The following TJP2 variants were observed in gnomAD, a reference collection of about 807,000 sequenced individuals.
TJP2 encodes the protein Friedreich ataxia region gene X104 (tight junction protein ZO-2).
In TJP2, 91 loss-of-function variants were observed where a neutral mutation model predicts 133.1. The observed-to-expected ratio is 0.68, with a 90% CI of 0.58 to 0.81. The LOEUF is 0.81. Ranked by LOEUF, TJP2 falls within the 40% of genes least tolerant of loss-of-function variation. The pLI is 0.00. For missense variants in TJP2, 1,541 were observed against 1,565.6 expected (o/e 0.98, Z 0.26); for synonymous variants, 592 against 583.4 (o/e 1.01, Z -0.21).
In TJP2 at chr9:69,174,424, T is replaced by G; in HGVS notation, c.52T>G (p.Trp18Gly). 2 of 1,551,460 alleles carry G rather than the reference T, an allele frequency of 1.3e-6. No homozygotes were observed. Among genetic ancestry groups the G allele is most frequent in the South Asian group, 2.4e-5 (2 of 84,074 alleles). The part of the protein sequence containing the change: ...GFPPRRELSG[W>G]LRAPGMEELI... Reference sequence around the variant, plus strand: ...TCCACCCCGGCGGGAGCTGTCAGGTTGGCTCCGCGTAAGTGCCTCCTTGTG... The same window carrying G: ...TCCACCCCGGCGGGAGCTGTCAGGTGGGCTCCGCGTAAGTGCCTCCTTGTG... Residue 18 changes from tryptophan (W) to glycine (G), a missense_variant, in exon 1 of 23, where the codon TGG (tryptophan) becomes GGG (glycine). Trp to Gly is a radical substitution (Grantham distance 184, BLOSUM62 -2). Coordinates refer to ENST00000377245, the MANE Select transcript of TJP2 (RefSeq NM_004817.4).
intron 1 of TJP2, among the ~76,000 whole-genome samples, chr9:69,188,507 A>G (rs1225424765): frequency 1.3e-5 from 2 of 152,204 alleles, no homozygotes; most frequent in African/African-American, 4.8e-5. Flanking sequence ...AAATAGGAGA[A>G]GCTCAAGGCC....
At chr9:69,203,279 A>G (rs1445231013) in intron 1 of TJP2, among the ~76,000 whole-genome samples, 2 of 151,862 alleles carry the variant, frequency 1.3e-5, no homozygotes, top group African/African-American at 2.4e-5. Flanking sequence ...TTAGATTCCA[A>G]GGTCCTCCTT....
chr9:69,241,891 C>T (rs1412596011), intron 17 of TJP2, among the ~76,000 whole-genome samples: 1 of 152,172 alleles, frequency 6.6e-6, no homozygotes, highest in Non-Finnish European at 1.5e-5. Context: ...CAAAAGGGGT[C>T]ACGTAATGCA....
At chr9:69,226,275 C>A in intron 7 of TJP2, 100 bp downstream of exon 7, 1 of 1,379,042 alleles carries the variant, frequency 7.3e-7, no homozygotes, top group Non-Finnish European at 1.0e-6. Flanking sequence ...AGTTAAATTT[C>A]TAAGGAAAGA....
rs567453591 is a variant in TJP2, at chr9:69,230,056, C to G, written c.1521-26C>G. 3.1e-6 allele frequency: 5 copies of G among 1,613,890 alleles called. No homozygotes were observed. In the Admixed American group the frequency reaches 5.0e-5, roughly 16 times the overall value. ...CTTTTAAAAAATATCTCCCATCTTT[C>G]CTTTCTGAAACGGAACCTATTGCAG... On this transcript the variant is annotated intron_variant, in intron 10 of 22. Coordinates refer to ENST00000377245, the MANE Select transcript of TJP2 (RefSeq NM_004817.4).
At chr9:69,137,291 CTTTCTTTCTTTTCT>C (rs1822806287) in intron 1 of TJP2, among the ~76,000 whole-genome samples, 6 of 75,452 alleles carry the variant, frequency 8.0e-5, no homozygotes, top group Admixed American at 1.4e-4. Flanking sequence ...TTCTTTCTTT[CTTTCTTTCTTTTCT>C]TTTCTTTTCT....
chr9:69,140,038 G>T (rs769661055), intron 1 of TJP2, among the ~76,000 whole-genome samples: 22 of 152,314 alleles, frequency 1.4e-4, no homozygotes, highest in Non-Finnish European at 2.5e-4. Context: ...CCTCAGAGCT[G>T]CCCTGGCCTC....
chr9:69,121,954 A>G (rs1159018100), intron 1 of TJP2: 4 of 152,386 alleles, frequency 2.6e-5, no homozygotes, highest in Non-Finnish European at 5.9e-5. Context: ...GACATCCCCT[A>G]GGTTTCTCTG....
chr9:69,172,531 G>C (rs1417469851), upstream of TJP2, among the ~76,000 whole-genome samples: 1 of 152,114 alleles, frequency 6.6e-6, no homozygotes, highest in Non-Finnish European at 1.5e-5. Flanking sequence ...GTGGCAAGTG[G>C]TCATCTTATT....
intron 1 of TJP2, among the ~76,000 whole-genome samples, chr9:69,137,720 T>G (rs979390833): frequency 1.3e-5 from 2 of 152,118 alleles, no homozygotes; most frequent in Non-Finnish European, 2.9e-5. Flanking sequence ...CTTTCCAGCT[T>G]TTCTTCAAGG....
At chr9:69,199,340 G>C (rs1206104938) in intron 1 of TJP2, among the ~76,000 whole-genome samples, 1 of 152,126 alleles carries the variant, frequency 6.6e-6, no homozygotes, top group Non-Finnish European at 1.5e-5. Flanking sequence ...ACCAGCCTGG[G>C]CAACATAGCG....
At chr9:69,177,152 T>C (rs1825155948) in intron 1 of TJP2, among the ~76,000 whole-genome samples, 1 of 152,214 alleles carries the variant, frequency 6.6e-6, no homozygotes, top group African/African-American at 2.4e-5. Context: ...CATGCCTCAT[T>C]GATTTGACTC....
intron 1 of TJP2, among the ~76,000 whole-genome samples, chr9:69,146,910 T>C (rs1446023694): frequency 6.6e-6 from 1 of 152,242 alleles, no homozygotes; most frequent in African/African-American, 2.4e-5. Context: ...TCTTCCCATC[T>C]GTAAAAGGGT....
chr9:69,162,109 TAATA>T (rs1190354070), intron 2 of TJP2, among the ~76,000 whole-genome samples: 2 of 148,108 alleles, frequency 1.4e-5, no homozygotes, highest in Admixed American at 6.8e-5. Flanking sequence ...TTGTATTATA[TAATA>T]AATATAATTT....
intron 1 of TJP2, among the ~76,000 whole-genome samples, chr9:69,208,712 T>G (rs931982767): frequency 1.3e-4 from 20 of 152,162 alleles, no homozygotes; most frequent in African/African-American, 4.8e-4. Flanking sequence ...ATATTCAACA[T>G]TTTTTTGGTA....
In TJP2 at chr9:69,190,085, G is replaced by C. The variant is rs1826108693; in HGVS notation, c.60+15653G>C. ...AGATGGCGCCACTGCACTCCAGCCT[G>C]GGCAACAGAGCGAGACTCTGTCTCA... is the stretch of plus-strand genomic sequence containing the variant. On this transcript the variant is annotated intron_variant, in intron 1 of 22. Transcript: ENST00000377245. Among the ~76,000 whole-genome samples the C allele has an allele frequency of 1.3e-5, 2 of 151,206 alleles. 1 individual carries two copies. Among genetic ancestry groups the C allele is most frequent in the African/African-American group, 4.9e-5 (2 of 41,038 alleles).
chr9:69,210,997 T>C (rs1827863133), intron 1 of TJP2, among the ~76,000 whole-genome samples: 1 of 152,136 alleles, frequency 6.6e-6, no homozygotes, highest in African/African-American at 2.4e-5. Context: ...GTGCTGGAAA[T>C]ACAGACGTGA....
intron 1 of TJP2, among the ~76,000 whole-genome samples, chr9:69,128,768 C>T (rs567832518): frequency 1.7e-3 from 261 of 152,200 alleles, no homozygotes; most frequent in Non-Finnish European, 2.7e-3. Context: ...CCTCGTGATC[C>T]GCCCGCCTCG....
chr9:69,211,503 C>T (rs1336294851), intron 1 of TJP2, among the ~76,000 whole-genome samples: 3 of 152,138 alleles, frequency 2.0e-5, no homozygotes, highest in Non-Finnish European at 2.9e-5. Flanking sequence ...GGCTCATTTC[C>T]TTGGATACAT....
Sources: allele counts gnomAD v4.1 joint callset (sites outside exome capture counted in the v4.1 genomes callset), GRCh38; gene constraint gnomAD v4.1.1; transcripts MANE v1.5; gene names NCBI Gene and HGNC (gene_info 2026-07-23, HGNC 2026-07-21).